SLN: variants seen among roughly 807,000 people sequenced by gnomAD.
The protein encoded by SLN is sarcolipin.
For missense variants in SLN, 34 were observed against 37.4 expected (o/e 0.91, Z 0.24); for synonymous variants, 19 against 14.4 (o/e 1.32, Z -0.72).
intron 1 of SLN, among the ~76,000 whole-genome samples, chr11:107,709,672 C>T (rs564303174): frequency 7.9e-5 from 12 of 152,044 alleles, no homozygotes; most frequent in African/African-American, 2.4e-4. Context: ...CATAATGAGA[C>T]CCTGTCTCAA....
intron 1 of SLN, among the ~76,000 whole-genome samples, chr11:107,709,514 C>T (rs920760708): frequency 3.3e-5 from 5 of 152,012 alleles, no homozygotes; most frequent in Non-Finnish European, 7.4e-5. Context: ...GCATAAATGC[C>T]AACTGAATGA....
At position 107,707,742 on chromosome 11, in the gene SLN, G is replaced by C; in HGVS notation, c.*93C>G. On this transcript the variant is annotated 3_prime_UTR_variant, in exon 2 of 2. Transcript: ENST00000305991. The stretch of plus-strand genomic sequence containing the variant: ...CACAGGTGCCCTCGGATGGAGAATG[G>C]CATCCTGTGACAATGACAGCAGTGG... 1.1e-6 allele frequency: 1 copy of C among 890,228 alleles called. No individual in the cohort carries two copies. The highest frequency in any genetic ancestry group is 1.9e-6 in the Non-Finnish European group (1 of 532,412). 55.1% of individuals were successfully genotyped at this position (890,228 alleles called of 1,614,324 possible).
At chr11:107,708,881 G>A (rs1867182143) in intron 1 of SLN, among the ~76,000 whole-genome samples, 1 of 152,164 alleles carries the variant, frequency 6.6e-6, no homozygotes, top group Admixed American at 6.5e-5. Context: ...GGCTGCTGTA[G>A]GTCTTCATCT....
intron 1 of SLN, among the ~76,000 whole-genome samples, chr11:107,710,589 G>T (rs1004723769): frequency 6.6e-6 from 1 of 152,194 alleles, no homozygotes; most frequent in Non-Finnish European, 1.5e-5. Flanking sequence ...ATTCCTAGGA[G>T]TTATGACACA....
intron 1 of SLN, among the ~76,000 whole-genome samples, chr11:107,708,557 G>C (rs191634690): frequency 1.3e-5 from 2 of 152,206 alleles, no homozygotes; most frequent in Admixed American, 1.3e-4. Context: ...CATTCTATTA[G>C]TTATGTTTCT....
intron 1 of SLN, among the ~76,000 whole-genome samples, chr11:107,709,726 T>C (rs1475382352): frequency 6.6e-6 from 1 of 152,088 alleles, no homozygotes; most frequent in East Asian, 1.9e-4. Context: ...CCAGTAGATA[T>C]ATAGCCAAAT....
Position 107,707,957 on chromosome 11 carries a change from A to C in SLN, c.-27T>G, listed in dbSNP as rs1591158210. 6.4e-7 allele frequency: 1 copy of C among 1,570,090 alleles called. No individual in the cohort carries two copies. The highest frequency in any genetic ancestry group is 8.8e-7 in the Non-Finnish European group (1 of 1,139,842). On this transcript the variant is annotated 5_prime_UTR_variant, in exon 2 of 2. Coordinates refer to ENST00000305991, the MANE Select transcript of SLN (RefSeq NM_003063.3). ...TTCACAGCGGCTTGGTGAGAACTGCAGGCAGATTTCTGAGGGCACACCAAG... is the reference window on the plus strand; with the variant it reads ...TTCACAGCGGCTTGGTGAGAACTGCCGGCAGATTTCTGAGGGCACACCAAG...
chr11:107,708,307 G>A (rs866910154), intron 1 of SLN, among the ~76,000 whole-genome samples: 1 of 152,082 alleles, frequency 6.6e-6, no homozygotes, highest in Middle Eastern at 3.4e-3. Context: ...CATGCAGAGG[G>A]GAAGACCATG....
chr11:107,708,068 G>A (rs1015199103), intron 1 of SLN, 63 bp from the exon 2 acceptor site: 24 of 663,676 alleles, frequency 3.6e-5, no homozygotes, highest in South Asian at 7.3e-5. Flanking sequence ...AACAATGCTC[G>A]TTCTTTCCTC....
At chr11:107,708,082 G>T (rs532553402) in intron 1 of SLN, 77 bp from the exon 2 acceptor site, 9 of 638,422 alleles carry the variant, frequency 1.4e-5, no homozygotes, top group Non-Finnish European at 2.6e-5. Flanking sequence ...TTTCCTCAAA[G>T]GAAACAGAAG....
intron 1 of SLN, among the ~76,000 whole-genome samples, chr11:107,710,510 T>TGG (rs1259792669): frequency 1.1e-5 from 1 of 89,706 alleles, no homozygotes; most frequent in African/African-American, 5.0e-5. Flanking sequence ...GAGATTAAGA[T>TGG]GTTTGTGTAA....
chr11:107,710,739 T>A (rs1040165647), intron 1 of SLN, among the ~76,000 whole-genome samples: 1 of 152,318 alleles, frequency 6.6e-6, no homozygotes, highest in South Asian at 2.1e-4. Flanking sequence ...CACTTCTACC[T>A]TAAGACAGTC....
rs1591158023 is a variant in SLN, at chr11:107,707,767, G to A, written c.*68C>T. 3.6e-6 allele frequency: 4 copies of A among 1,115,822 alleles called. No individual in the cohort carries two copies. In the East Asian group the frequency reaches 9.4e-5, roughly 26 times the overall value. The allele number at this position is 1,115,822 out of a possible 1,614,324, so 69.1% of individuals were successfully genotyped here. On this transcript the variant is annotated 3_prime_UTR_variant, in exon 2 of 2. Transcript: ENST00000305991. ...GCATCCTGTGACAATGACAGCAGTG[G>A]GGTCTCAGGGCATAGAGCAGGCAGC...
At chr11:107,708,469 C>T (rs1459693552) in intron 1 of SLN, among the ~76,000 whole-genome samples, 1 of 152,106 alleles carries the variant, frequency 6.6e-6, no homozygotes, top group African/African-American at 2.4e-5. Flanking sequence ...GCCCACCCTG[C>T]AGATTTTGGA....
rs1867186138 is a variant in SLN at position 107,709,250 on chromosome 11, T to C, written c.-75-1245A>G. On this transcript the variant is annotated intron_variant, in intron 1 of 1. Transcript: ENST00000305991. ...TTGCACATTATTTATGCAGCCTAAA[T>C]GAAATTAAAGATTTATATATTTTAG... 3.9e-5 allele frequency among the ~76,000 whole-genome samples: 6 copies of C among 152,236 alleles called. 1 individual carries two copies. The South Asian group carries it at 1.2e-3, about 31-fold the overall frequency.
intron 1 of SLN, among the ~76,000 whole-genome samples, chr11:107,708,899 C>T (rs1378102536): frequency 6.6e-6 from 1 of 152,166 alleles, no homozygotes; most frequent in Non-Finnish European, 1.5e-5. Flanking sequence ...TCTAACTCTA[C>T]GGAAAGCAGA....
chr11:107,709,760 C>T (rs1469358767), intron 1 of SLN, among the ~76,000 whole-genome samples: 2 of 152,094 alleles, frequency 1.3e-5, no homozygotes, highest in Non-Finnish European at 2.9e-5. Flanking sequence ...TATTTCATCT[C>T]CCTTTTAATT....
chr11:107,711,708 T>C (rs1001147919), intron 1 of SLN, among the ~76,000 whole-genome samples: 5 of 150,450 alleles, frequency 3.3e-5, no homozygotes, highest in Non-Finnish European at 4.4e-5. Flanking sequence ...TTAGAGAAGA[T>C]AGAAAAAAGA....
chr11:107,708,486 A>C (rs922377200), intron 1 of SLN, among the ~76,000 whole-genome samples: 8 of 152,132 alleles, frequency 5.3e-5, no homozygotes, highest in African/African-American at 1.9e-4. Context: ...TGGACTTGCC[A>C]GTCTCTGCAA....
Sources: gnomAD v4.1 joint callset for allele counts (sites outside exome capture counted in the v4.1 genomes callset) on GRCh38, gnomAD v4.1.1 for gene constraint, MANE v1.5 for transcripts, NCBI Gene and HGNC (gene_info 2026-07-23, HGNC 2026-07-21) for gene names.